LRMDA: variants seen among roughly 807,000 people sequenced by gnomAD.
The protein encoded by LRMDA is leucine-rich melanocyte differentiation-associated protein.
A neutral mutation model predicts 29.8 loss-of-function variants in LRMDA; 18 were observed. That is an observed-to-expected ratio of 0.60 (90% confidence interval 0.42 to 0.90). The LOEUF is 0.90. LRMDA is among the 40% of genes least tolerant of loss of function. The pLI, the probability that LRMDA is intolerant of heterozygous loss-of-function variation, is 0.00. For synonymous variants in LRMDA, 125 were observed against 109.4 expected (o/e 1.14, Z -0.89); for missense variants, 273 against 273.9 (o/e 1.00, Z 0.02).
intron 2 of LRMDA, chr10:75,451,318 A>G (rs1844457819): frequency 6.6e-6 from 1 of 152,224 alleles, no homozygotes; most frequent in African/African-American, 2.4e-5. Flanking sequence ...CATTGCATGA[A>G]ATCTCTTTTG....
At chr10:75,746,629 C>G (rs1460509270) in intron 2 of LRMDA, among the ~76,000 whole-genome samples, 1 of 152,110 alleles carries the variant, frequency 6.6e-6, no homozygotes, top group African/African-American at 2.4e-5. Context: ...CAAAGAATTA[C>G]CACTGTGAAT....
chr10:75,959,480 G>A (rs1846723334), intron 2 of LRMDA, among the ~76,000 whole-genome samples: 1 of 151,710 alleles, frequency 6.6e-6, no homozygotes, highest in Admixed American at 6.6e-5. Flanking sequence ...CATACTGGAA[G>A]CAAAGCACAC....
chr10:75,774,822 C>A (rs755830363), intron 2 of LRMDA, among the ~76,000 whole-genome samples: 5 of 152,176 alleles, frequency 3.3e-5, no homozygotes, highest in Non-Finnish European at 7.3e-5. Context: ...TCCTTGAGGG[C>A]AGCTTAGACA....
chr10:75,857,073 G>A (rs956747558), intron 2 of LRMDA, among the ~76,000 whole-genome samples: 1 of 152,122 alleles, frequency 6.6e-6, no homozygotes, highest in Non-Finnish European at 1.5e-5. Context: ...TTACTCCCTG[G>A]CATGTGACCT....
chr10:75,878,725 C>T (rs999514804), intron 2 of LRMDA, among the ~76,000 whole-genome samples: 1 of 152,052 alleles, frequency 6.6e-6, no homozygotes, highest in Non-Finnish European at 1.5e-5. Context: ...GGGACCCCAC[C>T]CTTCTCTACC....
At chr10:76,430,086 C>T (rs974394472) in intron 6 of LRMDA, among the ~76,000 whole-genome samples, 2 of 152,244 alleles carry the variant, frequency 1.3e-5, no homozygotes, top group African/African-American at 2.4e-5. Flanking sequence ...AAACTTGTAG[C>T]CTGGTAGGAT....
At position 75,923,653 on chromosome 10, in the gene LRMDA, G is replaced by A. The variant is rs137891848; in HGVS notation, c.132-112355G>A. 1.6e-4 allele frequency among the ~76,000 whole-genome samples: 24 copies of A among 152,234 alleles called. No homozygotes were observed. In the East Asian group the frequency reaches 2.3e-3, roughly 15 times the overall value. On this transcript the variant is annotated intron_variant, in intron 2 of 6. Coordinates refer to ENST00000611255, the MANE Select transcript of LRMDA (RefSeq NM_001305581.2). ...CTTAGAGATTTGTTTTTAGATCAAT[G>A]CCATTTTTTATGTGTTGCTCATGCA...
intron 4 of LRMDA, among the ~76,000 whole-genome samples, chr10:76,049,191 C>T (rs1027400145): frequency 6.6e-6 from 1 of 152,190 alleles, no homozygotes; most frequent in African/African-American, 2.4e-5. Flanking sequence ...CCTCCAAGCC[C>T]ATCCTCCCCA....
At chr10:76,202,824 G>A (rs554305884) in intron 5 of LRMDA, among the ~76,000 whole-genome samples, 36 of 152,076 alleles carry the variant, frequency 2.4e-4, no homozygotes, top group African/African-American at 8.2e-4. Flanking sequence ...ATTTCACATT[G>A]CTGAGACACA....
At chr10:76,383,323 C>CT (rs1841615569) in intron 6 of LRMDA, among the ~76,000 whole-genome samples, 1 of 151,688 alleles carries the variant, frequency 6.6e-6, no homozygotes, top group Non-Finnish European at 1.5e-5. Flanking sequence ...CGTGTTTTCT[C>CT]TACAGGCTCC....
At chr10:76,265,444 T>G (rs1839994270) in intron 5 of LRMDA, among the ~76,000 whole-genome samples, 1 of 152,222 alleles carries the variant, frequency 6.6e-6, no homozygotes, top group South Asian at 2.1e-4. Flanking sequence ...GTGCTCACAC[T>G]CAGCGCAGCC....
chr10:75,525,592 C>CT (rs11415547), intron 2 of LRMDA, among the ~76,000 whole-genome samples: 50,151 of 129,642 alleles, frequency 0.39, 9,512 homozygotes, highest in East Asian at 0.52. Flanking sequence ...TTCTTTCTTT[C>CT]TTTTTTTTTT....
chr10:75,460,210 G>T (rs1161924531), intron 2 of LRMDA, among the ~76,000 whole-genome samples: 1 of 152,180 alleles, frequency 6.6e-6, no homozygotes, highest in East Asian at 1.9e-4. Flanking sequence ...ATTGTAAGAA[G>T]AAGCTGTATT....
Position 76,029,704 on chromosome 10 carries a change from T to C in LRMDA, c.132-6304T>C, listed in dbSNP as rs114514137. Among the ~76,000 whole-genome samples, 489 of 152,310 alleles carry C rather than the reference T, an allele frequency of 3.2e-3. 2 individuals carry two copies. Among genetic ancestry groups the C allele is most frequent in the African/African-American group, 0.011 (474 of 41,570 alleles). On this transcript the variant is annotated intron_variant, in intron 2 of 6. Coordinates refer to ENST00000611255, the MANE Select transcript of LRMDA (RefSeq NM_001305581.2). Reference sequence around the variant, plus strand: ...TATTTGAAAGTTTTCTTAGTATTCTTAGATATGGTGCAGGGGGCTTCAGAC... The same window carrying C: ...TATTTGAAAGTTTTCTTAGTATTCTCAGATATGGTGCAGGGGGCTTCAGAC...
chr10:75,616,354 A>G (rs949960146), intron 2 of LRMDA, among the ~76,000 whole-genome samples: 4 of 152,184 alleles, frequency 2.6e-5, no homozygotes, highest in African/African-American at 4.8e-5. Flanking sequence ...CCCTTGACAT[A>G]TGGGGATTAT....
intron 2 of LRMDA, among the ~76,000 whole-genome samples, chr10:75,945,155 A>G (rs1476123126): frequency 6.6e-6 from 1 of 152,200 alleles, no homozygotes; most frequent in Admixed American, 6.6e-5. Context: ...TTTAAAAAGC[A>G]TGCTGAGATT....
At chr10:75,927,866 T>C (rs1016227798) in intron 2 of LRMDA, among the ~76,000 whole-genome samples, 3 of 152,168 alleles carry the variant, frequency 2.0e-5, no homozygotes, top group Non-Finnish European at 4.4e-5. Context: ...CATATACTAA[T>C]TGGTGACCTT....
intron 2 of LRMDA, among the ~76,000 whole-genome samples, chr10:76,010,314 C>CTTT (rs71024580): frequency 3.6e-5 from 5 of 138,884 alleles, no homozygotes; most frequent in Non-Finnish European, 7.8e-5. Context: ...AATTTATATC[C>CTTT]TTTTTTTTTT....
chr10:76,334,274 G>A (rs531462748), intron 6 of LRMDA, among the ~76,000 whole-genome samples: 1 of 152,290 alleles, frequency 6.6e-6, no homozygotes, highest in South Asian at 2.1e-4. Flanking sequence ...CCTAGTCCCA[G>A]TTCTTCTGAC....
Sources: gnomAD v4.1 joint callset for allele counts (sites outside exome capture counted in the v4.1 genomes callset) on GRCh38, gnomAD v4.1.1 for gene constraint, MANE v1.5 for transcripts, NCBI Gene and HGNC (gene_info 2026-07-23, HGNC 2026-07-21) for gene names.